RIT2: variants seen among roughly 807,000 people sequenced by gnomAD.
The protein encoded by RIT2 is Ras like without CAAX 2.
A neutral mutation model predicts 23.7 loss-of-function variants in RIT2; 24 were observed. The ratio of observed to expected loss-of-function variants is 1.01; its 90% CI spans 0.73 to 1.43. RIT2 has a LOEUF of 1.43. RIT2 is among the 40% of genes most tolerant of loss of function. The probability of loss-of-function intolerance (pLI) is 0.00; values close to 1 mark genes in which losing one functional copy is unlikely to be tolerated. For synonymous variants in RIT2, 107 were observed against 91.1 expected (o/e 1.17, Z -0.99); for missense variants, 236 against 266.9 (o/e 0.88, Z 0.81).
intron 1 of RIT2, among the ~76,000 whole-genome samples, chr18:43,107,145 T>A (rs1913842142): frequency 3.9e-5 from 6 of 152,094 alleles, no homozygotes; most frequent in Admixed American, 3.9e-4. Flanking sequence ...TTTATGCTGG[T>A]TTATGGGAGG....
intron 3 of RIT2, among the ~76,000 whole-genome samples, chr18:42,945,111 A>G (rs1909696380): frequency 1.3e-5 from 2 of 152,122 alleles, no homozygotes; most frequent in African/African-American, 4.8e-5. Flanking sequence ...TACATTAATG[A>G]AAGAAATTAA....
chr18:42,850,075 C>CTGTG (rs1907010242), intron 4 of RIT2, among the ~76,000 whole-genome samples: 1 of 90,972 alleles, frequency 1.1e-5, no homozygotes, highest in Non-Finnish European at 2.3e-5. Flanking sequence ...AAAAATACAC[C>CTGTG]CGTGTGTGTG....
intron 4 of RIT2, among the ~76,000 whole-genome samples, chr18:42,859,845 CT>C (rs1907280327): frequency 6.6e-6 from 1 of 151,964 alleles, no homozygotes; most frequent in South Asian, 2.1e-4. Flanking sequence ...TCTCTGCTCA[CT>C]GCGACCTCCA....
At chr18:42,856,054 A>C (rs183940140) in intron 4 of RIT2, among the ~76,000 whole-genome samples, 2 of 152,220 alleles carry the variant, frequency 1.3e-5, no homozygotes, top group African/African-American at 4.8e-5. Flanking sequence ...TCTCAGGCCC[A>C]TTCGAAAGTG....
chr18:42,837,935 C>T (rs1310481930), intron 4 of RIT2, among the ~76,000 whole-genome samples: 2 of 151,886 alleles, frequency 1.3e-5, no homozygotes, highest in Non-Finnish European at 2.9e-5. Flanking sequence ...GAAAAATAAA[C>T]GAAGCATATC....
chr18:42,757,204 C>T (rs1419920250), intron 4 of RIT2, among the ~76,000 whole-genome samples: 1 of 152,112 alleles, frequency 6.6e-6, no homozygotes, highest in Non-Finnish European at 1.5e-5. Flanking sequence ...ATTTGAATTA[C>T]TTAAGGTTTT....
At chr18:42,965,208 T>C (rs1910187171) in intron 3 of RIT2, among the ~76,000 whole-genome samples, 1 of 152,226 alleles carries the variant, frequency 6.6e-6, no homozygotes, top group Admixed American at 6.5e-5. Context: ...TTGAGGATGA[T>C]AGAATGTTAG....
chr18:42,982,162 C>T (rs1183033797), intron 2 of RIT2, among the ~76,000 whole-genome samples: 3 of 152,150 alleles, frequency 2.0e-5, no homozygotes, highest in African/African-American at 4.8e-5. Flanking sequence ...AACTCTTAGT[C>T]GGAAGCCAAA....
intron 4 of RIT2, among the ~76,000 whole-genome samples, chr18:42,854,306 TA>T (rs1222858401): frequency 6.6e-6 from 1 of 152,160 alleles, no homozygotes; most frequent in African/African-American, 2.4e-5. Flanking sequence ...AGGGGCCTAT[TA>T]TATTATTCAC....
chr18:42,920,301 C>A (rs1909022615), intron 4 of RIT2, among the ~76,000 whole-genome samples: 2 of 152,122 alleles, frequency 1.3e-5, no homozygotes, highest in Admixed American at 1.3e-4. Context: ...TCAGAATACA[C>A]TGGGTTTTGT....
chr18:42,884,510 G>A (rs1907972212), intron 4 of RIT2, among the ~76,000 whole-genome samples: 1 of 152,166 alleles, frequency 6.6e-6, no homozygotes, highest in Admixed American at 6.5e-5. Context: ...ATGTAGACCT[G>A]TTAGTTGTGT....
intron 3 of RIT2, among the ~76,000 whole-genome samples, chr18:42,960,462 C>A (rs1000652140): frequency 6.6e-6 from 1 of 152,004 alleles, no homozygotes; most frequent in African/African-American, 2.4e-5. Flanking sequence ...TTACAGGTGT[C>A]CACCACCATA....
At chr18:42,897,756 T>C (rs1020886224) in intron 4 of RIT2, among the ~76,000 whole-genome samples, 1 of 152,092 alleles carries the variant, frequency 6.6e-6, no homozygotes, top group African/African-American at 2.4e-5. Context: ...TAACTAGACA[T>C]ATAATTTTAA....
intron 3 of RIT2, among the ~76,000 whole-genome samples, chr18:42,941,553 T>C (rs970012263): frequency 1.3e-5 from 2 of 152,164 alleles, no homozygotes; most frequent in Admixed American, 1.3e-4. Context: ...GAATAATGCA[T>C]GTAAACAAAT....
intron 4 of RIT2, among the ~76,000 whole-genome samples, chr18:42,856,141 A>T (rs1014856298): frequency 2.0e-5 from 3 of 152,252 alleles, no homozygotes; most frequent in African/African-American, 7.2e-5. Flanking sequence ...TAAACCATCC[A>T]TAAAGCCTAA....
chr18:43,060,284 A>G lies in RIT2; in HGVS notation c.104-26417T>C, dbSNP rs145013220. Among the ~76,000 whole-genome samples, 821 of 152,256 alleles carry G rather than the reference A, an allele frequency of 5.4e-3. 8 individuals are homozygous for G. Among genetic ancestry groups the G allele is most frequent in the African/African-American group, 0.019 (779 of 41,560 alleles). On this transcript the variant is annotated intron_variant, in intron 1 of 4. Coordinates refer to ENST00000326695, the MANE Select transcript of RIT2 (RefSeq NM_002930.4). ...ATACCCTGTCCAGTATTACTCTGCC[A>G]TATGATGCTATCTTCACAGCCAAGC...
chr18:42,798,819 GA>G (rs1905444737), intron 4 of RIT2, among the ~76,000 whole-genome samples: 1 of 152,136 alleles, frequency 6.6e-6, no homozygotes, highest in South Asian at 2.1e-4. Context: ...GGACTTAATT[GA>G]AAATCTCTTG....
rs143072356 is a variant in RIT2 at position 42,753,748 on chromosome 18, T to C, written c.427-10028A>G. On this transcript the variant is annotated intron_variant, in intron 4 of 4. Coordinates refer to ENST00000326695, the MANE Select transcript of RIT2 (RefSeq NM_002930.4). ...ATTTTCATTTTGTTTAGTTGTATAATTGATTTTGATCAGTTTTAATAATAT... is the reference window on the plus strand; with the variant it reads ...ATTTTCATTTTGTTTAGTTGTATAACTGATTTTGATCAGTTTTAATAATAT... 1.3e-3 allele frequency among the ~76,000 whole-genome samples: 194 copies of C among 152,362 alleles called. 1 individual carries two copies. In the East Asian group the frequency reaches 0.024, roughly 19 times the overall value.
intron 2 of RIT2, among the ~76,000 whole-genome samples, chr18:42,991,416 C>G (rs933308657): frequency 1.4e-4 from 21 of 152,298 alleles, no homozygotes; most frequent in African/African-American, 5.1e-4. Flanking sequence ...AGTGTACTCT[C>G]AAAATTCACT....
Sources: allele counts gnomAD v4.1 joint callset (sites outside exome capture counted in the v4.1 genomes callset), GRCh38; gene constraint gnomAD v4.1.1; transcripts MANE v1.5; gene names NCBI Gene and HGNC (gene_info 2026-07-23, HGNC 2026-07-21).